The following EYS variants were observed in gnomAD, a reference collection of about 807,000 sequenced individuals.
EYS encodes EGF-like photoreceptor maintenance factor.
EYS carries 250 observed loss-of-function variants against 282.1 expected under a neutral mutation model. The ratio of observed to expected loss-of-function variants is 0.89; its 90% CI spans 0.80 to 0.98. EYS has a LOEUF of 0.98. Among genes scored for constraint, EYS ranks in the 50% least tolerant of loss-of-function variants. The pLI is 0.00. For missense variants in EYS, 4,016 were observed against 3,709.0 expected (o/e 1.08, Z -2.15); for synonymous variants, 1,355 against 1,282.9 (o/e 1.06, Z -1.20).
rs561335423 is a variant in EYS at position 64,448,748 on chromosome 6, T to A, written c.5645-9396A>T. On this transcript the variant is annotated intron_variant, in intron 26 of 42. Coordinates refer to ENST00000503581, the MANE Select transcript of EYS (RefSeq NM_001142800.2). The stretch of plus-strand genomic sequence containing the variant: ...ACTGCTGATACTCAGGCAAACAGGG[T>A]CTGGAGTGGACCTCCAGTAAACTCC... 2.0e-5 allele frequency among the ~76,000 whole-genome samples: 3 copies of A among 152,234 alleles called. No homozygotes were observed. In the East Asian group the frequency reaches 5.8e-4, roughly 29 times the overall value.
chr6:64,563,662 T>A (rs1247187034), intron 26 of EYS, among the ~76,000 whole-genome samples: 3 of 152,138 alleles, frequency 2.0e-5, no homozygotes, highest in Admixed American at 1.3e-4. Flanking sequence ...ACACTTTTGC[T>A]GAGCATCAAG....
intron 31 of EYS, among the ~76,000 whole-genome samples, chr6:64,131,200 T>C (rs943979239): frequency 6.6e-6 from 1 of 152,122 alleles, no homozygotes; most frequent in African/African-American, 2.4e-5. Flanking sequence ...CACGAAGCCA[T>C]TGGAAAGCTT....
chr6:64,498,520 T>C (rs993064543), intron 26 of EYS, among the ~76,000 whole-genome samples: 3 of 152,064 alleles, frequency 2.0e-5, no homozygotes, highest in Admixed American at 6.6e-5. Context: ...GTTTGTTACA[T>C]AGGTAAACAT....
chr6:64,664,055 A>G (rs1349220234), intron 22 of EYS, among the ~76,000 whole-genome samples: 1 of 152,238 alleles, frequency 6.6e-6, no homozygotes, highest in African/African-American at 2.4e-5. Context: ...GGATGGAAGT[A>G]AGCGGCAGGT....
chr6:65,110,970 G>A (rs1775199348), intron 12 of EYS, among the ~76,000 whole-genome samples: 2 of 151,988 alleles, frequency 1.3e-5, no homozygotes, highest in South Asian at 4.2e-4. Context: ...TGATTATAAG[G>A]ATCTGAACTG....
intron 22 of EYS, among the ~76,000 whole-genome samples, chr6:64,778,467 T>C (rs1469249638): frequency 6.6e-6 from 1 of 152,202 alleles, no homozygotes; most frequent in Non-Finnish European, 1.5e-5. Flanking sequence ...CATTTTCTTC[T>C]CTTCTTTTGT....
chr6:65,660,314 C>A (rs761631083), intron 1 of EYS, among the ~76,000 whole-genome samples: 13 of 151,818 alleles, frequency 8.6e-5, no homozygotes, highest in Middle Eastern at 3.4e-3. Flanking sequence ...TATACCATTG[C>A]ATGTACTATC....
intron 37 of EYS, among the ~76,000 whole-genome samples, chr6:63,801,214 G>T (rs1486472219): frequency 9.9e-5 from 15 of 152,058 alleles, no homozygotes; most frequent in Non-Finnish European, 5.9e-5. Context: ...TAGAAATGAG[G>T]CTATTGCTAT....
At chr6:64,239,195 A>G (rs1766710727) in intron 30 of EYS, among the ~76,000 whole-genome samples, 1 of 152,142 alleles carries the variant, frequency 6.6e-6, no homozygotes, top group Non-Finnish European at 1.5e-5. Flanking sequence ...GCTATTGTAA[A>G]CAGTGCTGCA....
At chr6:64,474,681 A>G (rs992503374) in intron 26 of EYS, among the ~76,000 whole-genome samples, 1 of 152,186 alleles carries the variant, frequency 6.6e-6, no homozygotes, top group African/African-American at 2.4e-5. Flanking sequence ...ACAAACCTGC[A>G]TCAGAAGAAG....
At chr6:65,320,474 G>A (rs1318708020) in intron 11 of EYS, among the ~76,000 whole-genome samples, 2 of 152,148 alleles carry the variant, frequency 1.3e-5, no homozygotes, top group African/African-American at 4.8e-5. Context: ...TGCAGAAGCA[G>A]GGGTGGAGTT....
chr6:64,689,320 G>A (rs1483706693), intron 22 of EYS, among the ~76,000 whole-genome samples: 1 of 152,132 alleles, frequency 6.6e-6, no homozygotes, highest in Non-Finnish European at 1.5e-5. Context: ...TGAAGTAAAA[G>A]AGGACACAAA....
At chr6:64,484,188 T>A (rs1776517722) in intron 26 of EYS, among the ~76,000 whole-genome samples, 1 of 151,592 alleles carries the variant, frequency 6.6e-6, no homozygotes, top group Non-Finnish European at 1.5e-5. Flanking sequence ...GGGAGTGGCA[T>A]GAAGGCCTTA....
chr6:65,244,058 G>A (rs114572306), intron 12 of EYS, among the ~76,000 whole-genome samples: 4 of 152,148 alleles, frequency 2.6e-5, no homozygotes, highest in East Asian at 3.9e-4. Context: ...CCTATTGAAC[G>A]CTCACTCTGA....
At chr6:64,548,830 A>T (rs1377975007) in intron 26 of EYS, among the ~76,000 whole-genome samples, 3 of 122,690 alleles carry the variant, frequency 2.4e-5, no homozygotes, top group Non-Finnish European at 4.0e-5. Context: ...AAGTATAATA[A>T]AAAAAAAAGA....
At chr6:64,689,775 T>G (rs146427648) in intron 22 of EYS, among the ~76,000 whole-genome samples, 143 of 152,306 alleles carry the variant, frequency 9.4e-4, no homozygotes, top group African/African-American at 3.3e-3. Context: ...GCTAGCCATA[T>G]GTAGAAAGCT....
chr6:65,620,561 G>A (rs1043336861), intron 2 of EYS, among the ~76,000 whole-genome samples: 2 of 150,528 alleles, frequency 1.3e-5, no homozygotes, highest in African/African-American at 4.9e-5. Flanking sequence ...CTTCAGTTCT[G>A]CTCTGATTTT....
chr6:65,421,772 A>G (rs1767469457), intron 5 of EYS, among the ~76,000 whole-genome samples: 1 of 151,876 alleles, frequency 6.6e-6, no homozygotes, highest in African/African-American at 2.4e-5. Context: ...GTTGTGTTTC[A>G]GGGACTGTGG....
At chr6:65,629,358 C>A (rs1474690135) in intron 2 of EYS, among the ~76,000 whole-genome samples, 1 of 152,154 alleles carries the variant, frequency 6.6e-6, no homozygotes, top group Admixed American at 6.5e-5. Flanking sequence ...AATATAGTTA[C>A]AAGTATGCAT....
Sources: gnomAD v4.1 joint callset for allele counts (sites outside exome capture counted in the v4.1 genomes callset) on GRCh38, gnomAD v4.1.1 for gene constraint, MANE v1.5 for transcripts, NCBI Gene and HGNC (gene_info 2026-07-23, HGNC 2026-07-21) for gene names.